The following PCDHGA1 variants were observed in gnomAD, a reference collection of about 807,000 sequenced individuals.
PCDHGA1 encodes the protein protocadherin gamma-A1.
In PCDHGA1, 32 loss-of-function variants were observed where a neutral mutation model predicts 58.0. The ratio of observed to expected loss-of-function variants is 0.55; its 90% confidence interval spans 0.42 to 0.74. PCDHGA1 has a LOEUF of 0.74. PCDHGA1 is among the 30% of genes least tolerant of loss of function. PCDHGA1 has a pLI of 0.00. For synonymous variants in PCDHGA1, 498 were observed against 501.1 expected, an observed-to-expected ratio of 0.99 and a Z score of 0.08; for missense variants, 1,205 against 1,182.3, an observed-to-expected ratio of 1.02 and a Z score of -0.28.
At chr5:141,368,563 T>C (rs1228765550) in intron 1 of PCDHGA1, among the ~76,000 whole-genome samples, 1 of 152,184 alleles carries the variant, frequency 6.6e-6, no homozygotes, top group Non-Finnish European at 1.5e-5. Context: ...GAAAATGTTA[T>C]ATGCTTCTTA....
chr5:141,446,289 G>T (rs1333286399), intron 1 of PCDHGA1, among the ~76,000 whole-genome samples: 1 of 152,112 alleles, frequency 6.6e-6, no homozygotes, highest in Non-Finnish European at 1.5e-5. Flanking sequence ...GATAAATGGG[G>T]AGCAGGGATT....
intron 1 of PCDHGA1, chr5:141,422,541 T>G: frequency 6.2e-7 from 1 of 1,613,992 alleles, no homozygotes; most frequent in Non-Finnish European, 8.5e-7. Context: ...CAGAAACTCA[T>G]GTCTGGCTGA....
At chr5:141,401,626 C>G (rs1476531463) in intron 1 of PCDHGA1, among the ~76,000 whole-genome samples, 1 of 152,174 alleles carries the variant, frequency 6.6e-6, no homozygotes, top group Non-Finnish European at 1.5e-5. Flanking sequence ...TTTGTCTTAT[C>G]GTTTGGAGCT....
At chr5:141,351,597 C>G in intron 1 of PCDHGA1, 4 of 1,614,084 alleles carry the variant, frequency 2.5e-6, no homozygotes, top group Non-Finnish European at 3.4e-6. Flanking sequence ...GACAATGCAC[C>G]TGTTTTCCAT....
chr5:141,331,461 T>G lies in PCDHGA1; in HGVS notation c.777T>G (p.Thr259=), dbSNP rs1190611555. 2.5e-6 allele frequency: 4 copies of G among 1,614,168 alleles called. No homozygotes were observed. The highest frequency in any genetic ancestry group is 1.7e-6 in the Non-Finnish European group (2 of 1,180,036). Residue 259 remains threonine, a synonymous_variant, in exon 1 of 4, where the codon ACT becomes ACG. Coordinates refer to ENST00000517417, the MANE Select transcript of PCDHGA1 (RefSeq NM_018912.3). ...TCCCCGAAAACGTGCCGCTGGGTAC[T>G]CAGCTGCTCATGGTAAATGCCACTG... ...INVPENVPLG[T]QLLMVNATDP...
intron 1 of PCDHGA1, chr5:141,399,248 A>G (rs2150780633): frequency 6.2e-7 from 1 of 1,613,870 alleles, no homozygotes; most frequent in South Asian, 1.1e-5. Context: ...GATTCTGGGG[A>G]AAATGGGGAG....
chr5:141,396,902 A>C (rs2093450439), intron 1 of PCDHGA1, among the ~76,000 whole-genome samples: 1 of 152,234 alleles, frequency 6.6e-6, no homozygotes, highest in African/African-American at 2.4e-5. Context: ...TATTATTGGC[A>C]CTTTGCAATT....
At chr5:141,383,054 T>G in intron 1 of PCDHGA1, 3 of 1,613,872 alleles carry the variant, frequency 1.9e-6, no homozygotes, top group Non-Finnish European at 2.5e-6. Context: ...GCCAAGGACC[T>G]GGGGCTGGAG....
At chr5:141,427,692 C>A in intron 1 of PCDHGA1, 1 of 903,150 alleles carries the variant, frequency 1.1e-6, no homozygotes, top group Non-Finnish European at 1.8e-6. Context: ...AGCCTCCATC[C>A]CACAAGTCAG....
chr5:141,457,279 G>A (rs948609305), intron 1 of PCDHGA1, among the ~76,000 whole-genome samples: 2 of 152,190 alleles, frequency 1.3e-5, no homozygotes, highest in African/African-American at 4.8e-5. Flanking sequence ...GTGGGCCTAC[G>A]AAGTTCCTTG....
intron 1 of PCDHGA1, chr5:141,345,904 G>A (rs1319901712): frequency 6.2e-7 from 1 of 1,612,514 alleles, no homozygotes; most frequent in South Asian, 1.1e-5. Context: ...CTGCACACGG[G>A]CGAGGTGCGC....
In PCDHGA1 at chr5:141,332,815, C is replaced by T. The variant is rs199711240; in HGVS notation, c.2131C>T (p.Leu711=). Residue 711 remains leucine, a synonymous_variant, in exon 1 of 4, where the codon CTG becomes TTG. Transcript: ENST00000517417. This position sits in a 1 kb window ranked among gnomAD's most constrained non-coding sequence, Gnocchi z 4.6. ...SCVFLAFVIV[L]LAHRLRRWHK... ...CGTCTTCCTGGCCTTCGTCATCGTGCTGCTGGCGCACAGGCTGCGGCGCTG... is the reference window on the plus strand; with the variant it reads ...CGTCTTCCTGGCCTTCGTCATCGTGTTGCTGGCGCACAGGCTGCGGCGCTG... The T allele has an allele frequency of 9.6e-4, 1,541 of 1,609,944 alleles. No individual in the cohort carries two copies. The highest frequency in any genetic ancestry group is 1.1e-3 in the Non-Finnish European group (1,299 of 1,176,046).
intron 1 of PCDHGA1, chr5:141,430,824 C>T: frequency 6.5e-7 from 1 of 1,547,704 alleles, no homozygotes; most frequent in Non-Finnish European, 8.7e-7. Flanking sequence ...CTCCTGGGGA[C>T]TCTGTGGGAG....
chr5:141,413,262 G>A (rs2095621152), intron 1 of PCDHGA1: 2 of 1,613,960 alleles, frequency 1.2e-6, no homozygotes, highest in South Asian at 1.1e-5. Context: ...TTCCATGGGA[G>A]GCTGGAGCCC....
intron 1 of PCDHGA1, chr5:141,371,107 AC>A: frequency 6.2e-7 from 1 of 1,613,650 alleles, no homozygotes; most frequent in Non-Finnish European, 8.5e-7. Context: ...GCAAATGATA[AC>A]CCCCCAGTAT....
intron 1 of PCDHGA1, chr5:141,356,433 C>A: frequency 6.2e-7 from 1 of 1,610,210 alleles, no homozygotes; most frequent in Non-Finnish European, 8.5e-7. Context: ...GAACACTGGA[C>A]AGGGAAGAAG....
At chr5:141,404,096 G>C in intron 1 of PCDHGA1, 1 of 1,613,610 alleles carries the variant, frequency 6.2e-7, no homozygotes, top group Non-Finnish European at 8.5e-7. Flanking sequence ...GAATGGTCAA[G>C]TTGTCTGTTC....
chr5:141,351,813 A>G (rs757501743), intron 1 of PCDHGA1: 1 of 1,613,236 alleles, frequency 6.2e-7, no homozygotes, highest in Non-Finnish European at 8.5e-7. Context: ...GCCTTCGACC[A>G]CGAGCAGCTG....
At chr5:141,445,342 T>C (rs1026595756) in intron 1 of PCDHGA1, among the ~76,000 whole-genome samples, 4 of 152,202 alleles carry the variant, frequency 2.6e-5, no homozygotes, top group African/African-American at 9.6e-5. Flanking sequence ...ACAGTAAACA[T>C]TGGTGTCTGC....
Sources: gnomAD v4.1 joint callset for allele counts (sites outside exome capture counted in the v4.1 genomes callset) on GRCh38, gnomAD v4.1.1 for gene constraint, Gnocchi (gnomAD v3.1) non-coding constraint, MANE v1.5 for transcripts, NCBI Gene and HGNC (gene_info 2026-07-23, HGNC 2026-07-21) for gene names.